The following TBC1D15 variants were observed in gnomAD, a reference collection of about 807,000 sequenced individuals.
The protein encoded by TBC1D15 is GAP for RAB7.
TBC1D15 carries 39 observed loss-of-function variants against 95.4 expected under a neutral mutation model. That is an observed-to-expected ratio of 0.41 (90% CI 0.32 to 0.53). The LOEUF (loss-of-function observed/expected upper bound fraction) is 0.53. Among genes scored for constraint, TBC1D15 ranks in the 20% least tolerant of loss-of-function variants. TBC1D15 has a pLI of 0.29. For missense variants in TBC1D15, 733 were observed against 794.3 expected, an observed-to-expected ratio of 0.92 and a Z score of 0.93; for synonymous variants, 258 against 261.3, an observed-to-expected ratio of 0.99 and a Z score of 0.12.
At chr12:71,877,208 G>T (rs138301948) in intron 3 of TBC1D15, among the ~76,000 whole-genome samples, 10,018 of 133,892 alleles carry the variant, frequency 0.075, 414 homozygotes, top group South Asian at 0.12. Context: ...GTGTGTGTGT[G>T]TGTTTTTTTT....
intron 12 of TBC1D15, among the ~76,000 whole-genome samples, chr12:71,914,204 A>G (rs543895143): frequency 6.6e-6 from 1 of 152,100 alleles, no homozygotes; most frequent in Non-Finnish European, 1.5e-5. Context: ...GTGTCATTAC[A>G]GAATATTGAT....
intron 5 of TBC1D15, among the ~76,000 whole-genome samples, chr12:71,892,061 T>C (rs1897279033): frequency 6.6e-6 from 1 of 152,118 alleles, no homozygotes; most frequent in Non-Finnish European, 1.5e-5. Flanking sequence ...GTCCATCATT[T>C]AAAAAATGCC....
At chr12:71,847,643 C>T (rs1312592502) in intron 1 of TBC1D15, among the ~76,000 whole-genome samples, 1 of 150,980 alleles carries the variant, frequency 6.6e-6, no homozygotes, top group Non-Finnish European at 1.5e-5. Context: ...TGCAGTGAGC[C>T]GAGATTGTGC....
intron 1 of TBC1D15, among the ~76,000 whole-genome samples, chr12:71,840,901 G>A (rs1244562126): frequency 6.6e-6 from 1 of 152,054 alleles, no homozygotes; most frequent in African/African-American, 2.4e-5. Context: ...GTCTTTTCGC[G>A]TTCTTTATCT....
At chr12:71,886,404 A>T (rs955636748) in intron 5 of TBC1D15, among the ~76,000 whole-genome samples, 2 of 152,202 alleles carry the variant, frequency 1.3e-5, no homozygotes, top group Non-Finnish European at 2.9e-5. Context: ...CCCTGACCTC[A>T]GGTTATCTGC....
chr12:71,921,372 T>C lies in TBC1D15; in HGVS notation c.1721T>C (p.Ile574Thr). Reference protein sequence around the residue: ...HYGFNEILKHINELSMKIDVE... With the variant: ...HYGFNEILKHTNELSMKIDVE... ...TATTTTGTTGATACTTTTTAGCATA[T>C]CAATGAATTGTCCATGAAAATTGAT... is the stretch of plus-strand genomic sequence containing the variant. The change falls in exon 16 of 17, where the codon ATC (isoleucine) becomes ACC (threonine). Residue 574 changes from isoleucine to threonine, a missense_variant. Transcript: ENST00000485960. The C allele has an allele frequency of 6.4e-7, 1 of 1,554,462 alleles. No homozygotes were observed. The highest frequency in any genetic ancestry group is 8.7e-7 in the Non-Finnish European group (1 of 1,143,744).
At chr12:71,914,388 T>G (rs766017402) in intron 12 of TBC1D15, among the ~76,000 whole-genome samples, 14 of 152,026 alleles carry the variant, frequency 9.2e-5, no homozygotes, top group Non-Finnish European at 2.1e-4. Context: ...CTCTGACACT[T>G]TCTTAGGAAT....
At chr12:71,920,695 A>G in intron 14 of TBC1D15, 36 bp from the exon 15 acceptor site, 4 of 1,454,032 alleles carry the variant, frequency 2.8e-6, no homozygotes, top group Non-Finnish European at 3.9e-6. Flanking sequence ...TTTAGAATTG[A>G]TACAATTTGC....
intron 16 of TBC1D15, among the ~76,000 whole-genome samples, chr12:71,922,455 T>C (rs934438120): frequency 1.3e-5 from 2 of 151,946 alleles, no homozygotes; most frequent in African/African-American, 4.8e-5. Context: ...GTTTGTTACA[T>C]AGGTATACAT....
At chr12:71,895,037 G>GC (rs1897893369) in intron 7 of TBC1D15, among the ~76,000 whole-genome samples, 154 bp downstream of exon 7, 1 of 151,980 alleles carries the variant, frequency 6.6e-6, no homozygotes, top group Admixed American at 6.6e-5. Flanking sequence ...TGCTTGTCCT[G>GC]CCACTAAGTT....
chr12:71,917,062 CAA>C (rs765874123), intron 12 of TBC1D15, among the ~76,000 whole-genome samples: 1 of 151,866 alleles, frequency 6.6e-6, no homozygotes, highest in African/African-American at 2.4e-5. Context: ...TTTACCGACA[CAA>C]GAGATTGTTT....
chr12:71,873,051 A>G (rs774570800), intron 3 of TBC1D15, 48 bp downstream of exon 3: 1 of 1,283,856 alleles, frequency 7.8e-7, no homozygotes, highest in Non-Finnish European at 1.1e-6. Flanking sequence ...TTTAAAAAAT[A>G]ACAGTATTAT....
Position 71,923,858 on chromosome 12 carries a change from G to T in TBC1D15, c.*654G>T, listed in dbSNP as rs913070233. 1.3e-5 allele frequency: 2 copies of T among 152,402 alleles called. No homozygotes were observed. The highest frequency in any genetic ancestry group is 4.8e-5 in the African/African-American group (2 of 41,380). The allele number at this position is 152,402 out of a possible 1,614,324, so 9.4% of individuals were successfully genotyped here. A position where few individuals can be genotyped will look rare whatever the true frequency, so the allele number is the denominator to read the frequency against. The stretch of plus-strand genomic sequence containing the variant: ...GTACTTATTTATGAGTATAAGAAAG[G>T]TTAGGCATATTTTCATTAACTGAAT... On this transcript the variant is annotated 3_prime_UTR_variant, in exon 17 of 17. Coordinates refer to ENST00000485960, the MANE Select transcript of TBC1D15 (RefSeq NM_001146213.3).
intron 1 of TBC1D15, among the ~76,000 whole-genome samples, chr12:71,868,094 C>T (rs969845706): frequency 2.0e-5 from 3 of 152,208 alleles, no homozygotes; most frequent in Non-Finnish European, 1.5e-5. Context: ...ACATCACACC[C>T]TTCAAAATTA....
chr12:71,856,011 A>G (rs1888983473), intron 1 of TBC1D15, among the ~76,000 whole-genome samples: 2 of 151,900 alleles, frequency 1.3e-5, no homozygotes, highest in African/African-American at 4.8e-5. Flanking sequence ...TCTTGATTTT[A>G]AAAGATTGGA....
chr12:71,844,049 C>A (rs1049381066), intron 1 of TBC1D15, among the ~76,000 whole-genome samples: 1 of 152,146 alleles, frequency 6.6e-6, no homozygotes, highest in Non-Finnish European at 1.5e-5. Context: ...CTTGACTGTT[C>A]TCCCCTTCAC....
At chr12:71,868,998 T>C (rs1239012059) in intron 1 of TBC1D15, 1 of 152,224 alleles carries the variant, frequency 6.6e-6, no homozygotes, top group African/African-American at 2.4e-5. Flanking sequence ...AATTTTATTA[T>C]GTACATTTGA....
chr12:71,918,713 T>G (rs915874596), intron 14 of TBC1D15, among the ~76,000 whole-genome samples, 165 bp downstream of exon 14: 51 of 152,200 alleles, frequency 3.4e-4, no homozygotes, highest in African/African-American at 1.1e-3. Flanking sequence ...AGTTTCACAC[T>G]GAATATTTGG....
At chr12:71,854,371 T>C (rs1195165617) in intron 1 of TBC1D15, among the ~76,000 whole-genome samples, 2 of 152,178 alleles carry the variant, frequency 1.3e-5, no homozygotes, top group East Asian at 3.8e-4. Flanking sequence ...TTCCTTTCTG[T>C]TTTTGGTGGA....
Sources: gnomAD v4.1 joint callset for allele counts (sites outside exome capture counted in the v4.1 genomes callset) on GRCh38, gnomAD v4.1.1 for gene constraint, MANE v1.5 for transcripts, NCBI Gene and HGNC (gene_info 2026-07-23, HGNC 2026-07-21) for gene names.